Variants in NDFIP2 observed in about 807,000 individuals in gnomAD.
NDFIP2 encodes Nedd4 family interacting protein 2, also known as NEDD4 family-interacting protein 2.
Under a neutral mutation model 36.0 loss-of-function variants are expected in NDFIP2, and 19 were observed. That is an observed-to-expected ratio of 0.53 (90% CI 0.37 to 0.77). The LOEUF is 0.77. NDFIP2 is among the 30% of genes least tolerant of loss of function. The probability of loss-of-function intolerance (pLI) is 0.00; values close to 1 mark genes in which losing one functional copy is unlikely to be tolerated. For synonymous variants in NDFIP2, 181 were observed against 167.7 expected, an observed-to-expected ratio of 1.08 and a Z score of -0.61; for missense variants, 446 against 435.8, an observed-to-expected ratio of 1.02 and a Z score of -0.21.
rs1008081657 is a variant in NDFIP2, at chr13:79,552,768, A to G, written c.*255A>G. 6.6e-6 allele frequency: 1 copy of G among 151,938 alleles called. No homozygotes were observed. The highest frequency in any genetic ancestry group is 2.4e-5 in the African/African-American group (1 of 41,408). 9.4% of individuals were successfully genotyped at this position (151,938 alleles called of 1,614,324 possible). A position where few individuals can be genotyped will look rare whatever the true frequency, so the allele number is the denominator to read the frequency against. On this transcript the variant is annotated 3_prime_UTR_variant, in exon 8 of 8. Transcript: ENST00000218652. ...AGATATTTGCATATACTTGATAGAAACCATAAAGTTGTAGCAGTTAAGTCC... is the reference window on the plus strand; with the variant it reads ...AGATATTTGCATATACTTGATAGAAGCCATAAAGTTGTAGCAGTTAAGTCC...
At chr13:79,539,227 T>C (rs1370839388) in intron 3 of NDFIP2, among the ~76,000 whole-genome samples, 1 of 152,178 alleles carries the variant, frequency 6.6e-6, no homozygotes, top group Non-Finnish European at 1.5e-5. Context: ...TGTGTGTGTA[T>C]ACATATATAT....
intron 1 of NDFIP2, among the ~76,000 whole-genome samples, chr13:79,516,028 T>C (rs74100709): frequency 0.011 from 1,708 of 151,996 alleles, 35 homozygotes; most frequent in African/African-American, 0.039. Flanking sequence ...GTTCATGATA[T>C]ATAGATTGAC....
At chr13:79,543,743 G>C in intron 5 of NDFIP2, 61 bp downstream of exon 5, 3 of 1,583,548 alleles carry the variant, frequency 1.9e-6, no homozygotes, top group Non-Finnish European at 2.6e-6. Context: ...GAAATTTTCT[G>C]TGTGGTTCAT....
intron 1 of NDFIP2, among the ~76,000 whole-genome samples, chr13:79,482,677 T>C (rs1315638176): frequency 6.6e-6 from 1 of 152,316 alleles, no homozygotes; most frequent in African/African-American, 2.4e-5. Flanking sequence ...TTGGCAAATA[T>C]GAAGGAACTG....
At chr13:79,504,260 A>G (rs759417138) in intron 1 of NDFIP2, among the ~76,000 whole-genome samples, 2 of 152,218 alleles carry the variant, frequency 1.3e-5, no homozygotes, top group Non-Finnish European at 2.9e-5. Context: ...AAAATAATAC[A>G]AAGAATTCCT....
intron 4 of NDFIP2, 59 bp downstream of exon 4, chr13:79,539,834 A>G: frequency 7.3e-7 from 1 of 1,375,190 alleles, no homozygotes; most frequent in Non-Finnish European, 1.0e-6. Context: ...TATGTGTATT[A>G]AAGTAACATA....
chr13:79,548,903 T>A (rs1271777166), intron 6 of NDFIP2, among the ~76,000 whole-genome samples: 1 of 152,044 alleles, frequency 6.6e-6, no homozygotes, highest in African/African-American at 2.4e-5. Context: ...CGTGTCTTTT[T>A]ATTAATATTG....
chr13:79,551,485 G>A (rs528565981), intron 7 of NDFIP2, among the ~76,000 whole-genome samples: 4 of 151,468 alleles, frequency 2.6e-5, no homozygotes, highest in Non-Finnish European at 5.9e-5. Flanking sequence ...TACTTAGACC[G>A]AAGGAATGAG....
At chr13:79,500,138 A>G (rs534403317) in intron 1 of NDFIP2, among the ~76,000 whole-genome samples, 1 of 151,212 alleles carries the variant, frequency 6.6e-6, no homozygotes, top group South Asian at 2.1e-4. Flanking sequence ...TTTTCAACAA[A>G]TGGTGCTGGA....
At chr13:79,515,695 A>G (rs924265987) in intron 1 of NDFIP2, among the ~76,000 whole-genome samples, 3 of 152,166 alleles carry the variant, frequency 2.0e-5, no homozygotes, top group Non-Finnish European at 2.9e-5. Flanking sequence ...TAATGGGTAC[A>G]TTTCTTCTGA....
At chr13:79,536,068 A>G (rs1875227281) in intron 3 of NDFIP2, among the ~76,000 whole-genome samples, 1 of 152,124 alleles carries the variant, frequency 6.6e-6, no homozygotes, top group African/African-American at 2.4e-5. Flanking sequence ...TGTTTTTACT[A>G]TTTCCTATTT....
At chr13:79,502,115 A>G (rs1330741940) in intron 1 of NDFIP2, among the ~76,000 whole-genome samples, 1 of 152,112 alleles carries the variant, frequency 6.6e-6, no homozygotes, top group Non-Finnish European at 1.5e-5. Flanking sequence ...ACTGAATGAA[A>G]ATGCATGAAT....
chr13:79,533,205 GGCCTA>G, intron 2 of NDFIP2, 113 bp from the exon 3 acceptor site: 1 of 697,156 alleles, frequency 1.4e-6, no homozygotes, highest in Non-Finnish European at 2.3e-6. Context: ...TTATAACATA[GGCCTA>G]TAATAGCAAT....
intron 2 of NDFIP2, among the ~76,000 whole-genome samples, chr13:79,526,252 AAAATGTT>A (rs1874791096): frequency 6.6e-6 from 1 of 152,226 alleles, no homozygotes; most frequent in African/African-American, 2.4e-5. Context: ...AATGAAGATC[AAAATGTT>A]ATTTTTTGGC....
intron 2 of NDFIP2, among the ~76,000 whole-genome samples, chr13:79,522,238 A>G (rs1219046991): frequency 2.0e-5 from 3 of 152,302 alleles, no homozygotes; most frequent in Middle Eastern, 3.4e-3. Context: ...TATAAGATTT[A>G]ACAGCTGGTT....
chr13:79,505,915 T>G (rs1873848451), intron 1 of NDFIP2, among the ~76,000 whole-genome samples: 1 of 152,190 alleles, frequency 6.6e-6, no homozygotes, highest in Non-Finnish European at 1.5e-5. Flanking sequence ...AAATTATTGA[T>G]GGCAACCAAC....
intron 1 of NDFIP2, among the ~76,000 whole-genome samples, chr13:79,509,580 T>G (rs1392054156): frequency 6.6e-6 from 1 of 152,098 alleles, no homozygotes; most frequent in African/African-American, 2.4e-5. Context: ...ATGGCCTGAA[T>G]TAGTTTTACA....
chr13:79,495,626 G>T (rs899926244), intron 1 of NDFIP2, among the ~76,000 whole-genome samples: 6 of 151,778 alleles, frequency 4.0e-5, no homozygotes, highest in Admixed American at 2.6e-4. Flanking sequence ...TGTGTCTTTT[G>T]TTGGTACCTT....
At position 79,533,404 on chromosome 13, in the gene NDFIP2, A is replaced by G; in HGVS notation, c.569A>G (p.Glu190Gly). The G allele has an allele frequency of 1.2e-6, 2 of 1,612,304 alleles. No individual in the cohort carries two copies. Among genetic ancestry groups the G allele is most frequent in the Non-Finnish European group, 1.7e-6 (2 of 1,178,924 alleles). The change falls in exon 3 of 8, where the codon GAG becomes GGG. Residue 190 changes from glutamate (E) to glycine (G), a missense_variant. Glu to Gly is a moderately conservative substitution (Grantham distance 98). This residue lies in a region of NDFIP2 where 369 missense variants were observed against 304.8 expected (regional missense o/e 1.21). Coordinates refer to ENST00000218652, the MANE Select transcript of NDFIP2 (RefSeq NM_019080.3). ...ATSLPTYDEAEKAKAAAMAAA... is the reference protein window; with the variant it reads ...ATSLPTYDEAGKAKAAAMAAA... Reference sequence around the variant, plus strand: ...TCTCTTCCTACATACGATGAAGCTGAGAAGGCTAAAGCTGCTGCAATGGCA... The same window carrying G: ...TCTCTTCCTACATACGATGAAGCTGGGAAGGCTAAAGCTGCTGCAATGGCA...
Sources: gnomAD v4.1 joint callset for allele counts (sites outside exome capture counted in the v4.1 genomes callset) on GRCh38, gnomAD v4.1.1 for gene constraint, gnomAD v4.1.1 regional missense constraint, MANE v1.5 for transcripts, NCBI Gene and HGNC (gene_info 2026-07-23, HGNC 2026-07-21) for gene names.